OXNAD1: variants seen among roughly 807,000 people sequenced by gnomAD.
OXNAD1 encodes oxidoreductase NAD-binding domain-containing protein 1.
Under a neutral mutation model 32.9 loss-of-function variants are expected in OXNAD1, and 34 were observed. The observed-to-expected ratio is 1.03, with a 90% CI of 0.79 to 1.38. The LOEUF (loss-of-function observed/expected upper bound fraction) is 1.38, where lower values mean the gene tolerates loss of function less well. Ranked by LOEUF, OXNAD1 falls within the 40% of genes most tolerant of loss-of-function variation. OXNAD1 has a pLI of 0.00. For synonymous variants in OXNAD1, 134 were observed against 135.2 expected (o/e 0.99, Z 0.06); for missense variants, 407 against 379.4 (o/e 1.07, Z -0.60).
At chr3:16,307,101 A>G (rs2067613595), downstream of OXNAD1, among the ~76,000 whole-genome samples, 1 of 152,212 alleles carries the variant, frequency 6.6e-6, no homozygotes, top group Non-Finnish European at 1.5e-5. Context: ...AAGAAATGGC[A>G]GTATTGATGC....
At chr3:16,307,777 C>CAAAG (rs869205002), downstream of OXNAD1, among the ~76,000 whole-genome samples, 1 of 79,310 alleles carries the variant, frequency 1.3e-5, no homozygotes. Context: ...AGAAGAGTTG[C>CAAAG]AAAGACAAGA....
At chr3:16,275,376 C>T (rs1401214677) in intron 4 of OXNAD1, 1 of 152,352 alleles carries the variant, frequency 6.6e-6, no homozygotes, top group Admixed American at 6.5e-5. Flanking sequence ...TTAAGACCAG[C>T]TTGGGCAACA....
At position 16,302,874 on chromosome 3, in the gene OXNAD1, G is replaced by A; in HGVS notation, c.784+126G>A. Reference sequence around the variant, plus strand: ...GGAATGTCACTATCTGGGGAATTGGGATGATTCCTCATGGAAAAATGGATA... The same window carrying A: ...GGAATGTCACTATCTGGGGAATTGGAATGATTCCTCATGGAAAAATGGATA... On this transcript the variant is annotated intron_variant, in intron 8 of 8. Coordinates refer to ENST00000285083, the MANE Select transcript of OXNAD1 (RefSeq NM_138381.5). This position sits in a 1 kb window ranked among gnomAD's most constrained non-coding sequence, Gnocchi z 4.2. 1.4e-6 allele frequency: 1 copy of A among 733,840 alleles called. No individual in the cohort carries two copies. Among genetic ancestry groups the A allele is most frequent in the East Asian group, 2.7e-5 (1 of 36,932 alleles). 45.5% of individuals were successfully genotyped at this position (733,840 alleles called of 1,614,324 possible).
rs760117139 is a variant in OXNAD1, at chr3:16,329,180, G to A, written c.*31-7932G>A. On this transcript the variant is annotated intron_variant, in intron 9 of 9. Transcript: ENST00000435829. The surrounding 1 kb of genome is among the most constrained non-coding windows in gnomAD (Gnocchi z 4.5). ...CCCCTCTTTTCTGCGCTTCCGCCTC[G>A]GGATGACGCAGCAAGAAGGCCCTCA... is the stretch of plus-strand genomic sequence containing the variant. 4.6e-5 allele frequency among the ~76,000 whole-genome samples: 7 copies of A among 152,186 alleles called. No homozygotes were observed. Among genetic ancestry groups the A allele is most frequent in the Non-Finnish European group, 7.4e-5 (5 of 68,022 alleles).
rs957434141 is a variant in OXNAD1 at position 16,297,346 on chromosome 3, G to A, written c.432+2349G>A. Among the ~76,000 whole-genome samples, 28 of 152,236 alleles carry A rather than the reference G, an allele frequency of 1.8e-4. No homozygotes were observed. Among genetic ancestry groups the A allele is most frequent in the Middle Eastern group, 3.4e-3 (1 of 294 alleles). ...ATTAAAAATATTGACAATACCAAGC[G>A]TTGGCAAGGATGTGGAGCAACTGGA... is the stretch of plus-strand genomic sequence containing the variant. On this transcript the variant is annotated intron_variant, in intron 6 of 8. Transcript: ENST00000285083. This position sits in a 1 kb window ranked among gnomAD's most constrained non-coding sequence, Gnocchi z 4.3.
rs1477052751 is a variant in OXNAD1, at chr3:16,335,035, G to C, written c.*31-2077G>C. 6.6e-6 allele frequency among the ~76,000 whole-genome samples: 1 copy of C among 152,220 alleles called. No individual in the cohort carries two copies. Among genetic ancestry groups the C allele is most frequent in the Non-Finnish European group, 1.5e-5 (1 of 68,042 alleles). ...ATTGTCTCCTAAAAGTCTCCACAAA[G>C]AATGTGGTCCTGTCAACACCTTGGT... is the stretch of plus-strand genomic sequence containing the variant. On this transcript the variant is annotated intron_variant, in intron 9 of 9. Coordinates refer to the OXNAD1 transcript ENST00000435829. The surrounding 1 kb of genome is among the most constrained non-coding windows in gnomAD (Gnocchi z 4.7).
chr3:16,299,829 T>G lies in OXNAD1; in HGVS notation c.433-1797T>G, dbSNP rs1157358322. ...AAGTTTCTTTATTCCTAGAATCTGT[T>G]TTTTAGTGACAGGGAAGAAGGAAGC... On this transcript the variant is annotated intron_variant, in intron 6 of 8. Transcript: ENST00000285083. This position sits in a 1 kb window ranked among gnomAD's most constrained non-coding sequence, Gnocchi z 4.4. 6.6e-6 allele frequency among the ~76,000 whole-genome samples: 1 copy of G among 152,234 alleles called. No individual in the cohort carries two copies. The highest frequency in any genetic ancestry group is 3.2e-3 in the Middle Eastern group (1 of 316).
At position 16,289,324 on chromosome 3, in the gene OXNAD1, C is replaced by CACTG. The variant is rs1222020327; in HGVS notation, c.290+2878_290+2881dup. On this transcript the variant is annotated intron_variant, in intron 5 of 8. Transcript: ENST00000285083. The surrounding 1 kb of genome is among the most constrained non-coding windows in gnomAD (Gnocchi z 4.9). ...TGGGGGCTTATCACCACCATGTCACCACTGATGCCCCAGTCAGTACTCAAT... is the reference window on the plus strand; with the variant it reads ...TGGGGGCTTATCACCACCATGTCACCACTGACTGATGCCCCAGTCAGTACTCAAT... Among the ~76,000 whole-genome samples the CACTG allele has an allele frequency of 2.0e-5, 3 of 152,102 alleles. No homozygotes were observed. Among genetic ancestry groups the CACTG allele is most frequent in the Non-Finnish European group, 2.9e-5 (2 of 68,000 alleles).
chr3:16,316,670 TG>T lies in OXNAD1; in HGVS notation c.*30+13080del. 1 of 786,572 alleles carries T rather than the reference TG, an allele frequency of 1.3e-6. No homozygotes were observed. Among genetic ancestry groups the T allele is most frequent in the Non-Finnish European group, 2.1e-6 (1 of 471,390 alleles). 48.7% of individuals were successfully genotyped at this position (786,572 alleles called of 1,614,324 possible). A position where few individuals can be genotyped will look rare whatever the true frequency, so the allele number is the denominator to read the frequency against. On this transcript the variant is annotated intron_variant, in intron 9 of 9. Coordinates refer to the OXNAD1 transcript ENST00000435829. The surrounding 1 kb of genome is among the most constrained non-coding windows in gnomAD (Gnocchi z 4.5). ...GCAAAAACCAACACTGTCAGGAACC[TG>T]GCCCTGGGAGGGCTCAGGTGAGCTC...
rs2070039187 is a variant in OXNAD1 at position 16,329,176 on chromosome 3, C to T, written c.*31-7936C>T. Among the ~76,000 whole-genome samples, 2 of 152,208 alleles carry T rather than the reference C, an allele frequency of 1.3e-5. No homozygotes were observed. Among genetic ancestry groups the T allele is most frequent in the Admixed American group, 1.3e-4 (2 of 15,288 alleles). ...CTCTCCCCTCTTTTCTGCGCTTCCG[C>T]CTCGGGATGACGCAGCAAGAAGGCC... On this transcript the variant is annotated intron_variant, in intron 9 of 9. Transcript: ENST00000435829. This position sits in a 1 kb window ranked among gnomAD's most constrained non-coding sequence, Gnocchi z 4.5.
chr3:16,266,304 T>C (rs796293203), intron 1 of OXNAD1, among the ~76,000 whole-genome samples: 64 of 152,304 alleles, frequency 4.2e-4, no homozygotes, highest in African/African-American at 1.5e-3. Context: ...GTAACACATA[T>C]ACATAATATA....
chr3:16,339,780 T>G (rs144087982), downstream of OXNAD1: 2 of 152,338 alleles, frequency 1.3e-5, no homozygotes, highest in Non-Finnish European at 2.9e-5. Flanking sequence ...GGCAAGGAGT[T>G]TATCTTGTTC....
In OXNAD1 at chr3:16,317,333, G is replaced by T; in HGVS notation, c.*30+13741G>T. On this transcript the variant is annotated intron_variant, in intron 9 of 9. Transcript: ENST00000435829. This position sits in a 1 kb window ranked among gnomAD's most constrained non-coding sequence, Gnocchi z 4.3. The stretch of plus-strand genomic sequence containing the variant: ...TCATACCCACACCATGTCTGAGTGA[G>T]ACATACAATTCCCAGCATCCCCCAG... 1 of 1,263,036 alleles carries T rather than the reference G, an allele frequency of 7.9e-7. No individual in the cohort carries two copies. The highest frequency in any genetic ancestry group is 1.1e-6 in the Non-Finnish European group (1 of 903,680). The allele number at this position is 1,263,036 out of a possible 1,614,324, so 78.2% of individuals were successfully genotyped here.
chr3:16,349,920 G>A (rs138786814), exon 10 of OXNAD1: 1 of 152,368 alleles, frequency 6.6e-6, no homozygotes, highest in East Asian at 1.9e-4. Flanking sequence ...TCTGCAGGCT[G>A]AATTCCTTCC....
At chr3:16,323,248 TCAGGTGTTCCTTGGG>T (rs2069284943) in intron 9 of OXNAD1, 1 of 669,566 alleles carries the variant, frequency 1.5e-6, no homozygotes, top group African/African-American at 1.8e-5. Context: ...TGCCAGGGGC[TCAGGTGTTCCTTGGG>T]CTCTGCGAGC....
rs969278044 is a variant in OXNAD1, at chr3:16,345,485, A to G, written c.*31-3691A>G. Among the ~76,000 whole-genome samples the G allele has an allele frequency of 6.6e-6, 1 of 152,158 alleles. No individual in the cohort carries two copies. Among genetic ancestry groups the G allele is most frequent in the Non-Finnish European group, 1.5e-5 (1 of 68,030 alleles). ...GCATTTGAATGGGTCAACTGAGTAG[A>G]CCAGATGGCCCTCCCCAGTGTGGGT... On this transcript the variant is annotated intron_variant, in intron 9 of 9. Transcript: ENST00000606098. This position sits in a 1 kb window ranked among gnomAD's most constrained non-coding sequence, Gnocchi z 5.2.
rs1014367335 is a variant in OXNAD1, at chr3:16,336,592, C to T, written c.*31-520C>T. ...TTTTGCTGATATGTAATCAGGACAA[C>T]ATAATAGAGTCTGAGAGAGCAGTCT... On this transcript the variant is annotated intron_variant, in intron 9 of 9. Transcript: ENST00000435829. This position sits in a 1 kb window ranked among gnomAD's most constrained non-coding sequence, Gnocchi z 6.0. Among the ~76,000 whole-genome samples, 1 of 152,180 alleles carries T rather than the reference C, an allele frequency of 6.6e-6. No homozygotes were observed. The highest frequency in any genetic ancestry group is 6.5e-5 in the Admixed American group (1 of 15,284).
At chr3:16,283,787 G>A (rs1386800754) in intron 4 of OXNAD1, among the ~76,000 whole-genome samples, 20 of 152,162 alleles carry the variant, frequency 1.3e-4, no homozygotes. Flanking sequence ...AGAAAGACTA[G>A]GTCAGTGATA....
downstream of OXNAD1, among the ~76,000 whole-genome samples, chr3:16,309,345 A>G (rs989714380): frequency 6.6e-6 from 1 of 152,218 alleles, no homozygotes; most frequent in African/African-American, 2.4e-5. Context: ...TTACCAAGTT[A>G]CCCTATAAAA....
Sources: gnomAD v4.1 joint callset for allele counts (sites outside exome capture counted in the v4.1 genomes callset) on GRCh38, gnomAD v4.1.1 for gene constraint, Gnocchi (gnomAD v3.1) non-coding constraint, MANE v1.5 for transcripts, NCBI Gene and HGNC (gene_info 2026-07-23, HGNC 2026-07-21) for gene names.